USP24: variants seen among roughly 807,000 people sequenced by gnomAD.
The protein encoded by USP24 is ubiquitin carboxyl-terminal hydrolase 24.
USP24 carries 97 observed loss-of-function variants against 361.6 expected under a neutral mutation model. That is an observed-to-expected ratio of 0.27 (90% CI 0.23 to 0.32). The LOEUF is 0.32. Ranked by LOEUF, USP24 falls within the 10% of genes least tolerant of loss-of-function variation. The pLI is 1.00. For missense variants in USP24, 2,353 were observed against 3,165.6 expected (o/e 0.74, Z 6.16); for synonymous variants, 1,098 against 1,124.6 (o/e 0.98, Z 0.47).
In USP24 at chr1:55,168,044, G is replaced by C. The variant is rs552601175; in HGVS notation, c.826-1441C>G. 3.7e-4 allele frequency among the ~76,000 whole-genome samples: 56 copies of C among 152,244 alleles called. 1 individual carries two copies. The South Asian group carries it at 9.7e-3, about 26-fold the overall frequency. On this transcript the variant is annotated intron_variant, in intron 5 of 67. Coordinates refer to ENST00000294383, the MANE Select transcript of USP24 (RefSeq NM_015306.3). ...CATTAGAGAAAGTGTAGTGAATAAAGAAAGGAAGCGCTGAAGATCAAAACT... is the reference window on the plus strand; with the variant it reads ...CATTAGAGAAAGTGTAGTGAATAAACAAAGGAAGCGCTGAAGATCAAAACT...
rs1022970858 is a variant in USP24 at position 55,151,883 on chromosome 1, G to T, written c.1860+1987C>A. 4 of 984,882 alleles carry T rather than the reference G, an allele frequency of 4.1e-6. No homozygotes were observed. In the African/African-American group the frequency reaches 5.2e-5, roughly 13 times the overall value. 61.0% of individuals were successfully genotyped at this position (984,882 alleles called of 1,614,324 possible). A position where few individuals can be genotyped will look rare whatever the true frequency, so the allele number is the denominator to read the frequency against. On this transcript the variant is annotated intron_variant, in intron 16 of 67. Transcript: ENST00000294383. Reference sequence around the variant, plus strand: ...AATAGAGGTAGCTGAGGGTGGGAGGGGAGTAAGAAGTGGGTGATCTTGTCT... The same window carrying T: ...AATAGAGGTAGCTGAGGGTGGGAGGTGAGTAAGAAGTGGGTGATCTTGTCT...
intron 24 of USP24, among the ~76,000 whole-genome samples, chr1:55,140,710 C>G (rs1388471781): frequency 6.6e-6 from 1 of 152,148 alleles, no homozygotes; most frequent in Non-Finnish European, 1.5e-5. Context: ...TATGAGTACC[C>G]ATCACTAGAG....
chr1:55,105,149 C>T (rs1181356181), intron 41 of USP24, among the ~76,000 whole-genome samples: 2 of 152,094 alleles, frequency 1.3e-5, no homozygotes, highest in Non-Finnish European at 2.9e-5. Context: ...AATAAAACTG[C>T]TAAAGATATA....
At chr1:55,167,018 A>C (rs1055496853) in intron 5 of USP24, among the ~76,000 whole-genome samples, 1 of 152,220 alleles carries the variant, frequency 6.6e-6, no homozygotes, top group Non-Finnish European at 1.5e-5. Context: ...CTCTTAAGCA[A>C]GCTCTATTTT....
intron 41 of USP24, among the ~76,000 whole-genome samples, chr1:55,104,375 C>A (rs151108881): frequency 6.6e-6 from 1 of 151,986 alleles, no homozygotes; most frequent in Non-Finnish European, 1.5e-5. Context: ...AAGATTTTAT[C>A]GCTGTCATCC....
chr1:55,174,732 A>T (rs1413418527), intron 3 of USP24, among the ~76,000 whole-genome samples: 1 of 152,240 alleles, frequency 6.6e-6, no homozygotes, highest in Non-Finnish European at 1.5e-5. Flanking sequence ...TTTTAAGTTT[A>T]TGCATCCACT....
At position 55,156,934 on chromosome 1, in the gene USP24, T is replaced by A; in HGVS notation, c.1446+14A>T. 1 of 1,597,090 alleles carries A rather than the reference T, an allele frequency of 6.3e-7. No individual in the cohort carries two copies. The highest frequency in any genetic ancestry group is 8.6e-7 in the Non-Finnish European group (1 of 1,165,626). On this transcript the variant is annotated intron_variant, in intron 12 of 67. Transcript: ENST00000294383. ...AACATTAGCCAAAGGCAAAAATAAT[T>A]CTGATCAACCTACCTGTATCTTCCA...
intron 31 of USP24, among the ~76,000 whole-genome samples, chr1:55,132,028 G>A (rs1449375071): frequency 6.6e-6 from 1 of 152,226 alleles, no homozygotes. Flanking sequence ...AGATCTTGGA[G>A]TGAGTAACTT....
chr1:55,078,557 G>A lies in USP24; in HGVS notation c.7295C>T (p.Thr2432Ile). 1 of 1,611,422 alleles carries A rather than the reference G, an allele frequency of 6.2e-7. No individual in the cohort carries two copies. The highest frequency in any genetic ancestry group is 8.5e-7 in the Non-Finnish European group (1 of 1,179,014). Reference protein sequence around the residue: ...CCFCNEHFSFTMLHFIKNQLE... With the variant: ...CCFCNEHFSFIMLHFIKNQLE... ...TCTTACCTTAATGAAATGCAGCATT[G>A]TGAAGGAAAAATGCTCATTACAGAA... is the stretch of plus-strand genomic sequence containing the variant. Residue 2432 changes from threonine (T) to isoleucine (I), a missense_variant, in exon 61 of 68, where the codon ACA becomes ATA. This residue lies in a region of USP24 where 598 missense variants were observed against 761.9 expected (regional missense o/e 0.78). Transcript: ENST00000294383.
At chr1:55,124,706 C>T in intron 34 of USP24, 78 bp from the exon 35 acceptor site, 1 of 1,521,358 alleles carries the variant, frequency 6.6e-7, no homozygotes, top group East Asian at 2.3e-5. Flanking sequence ...TCTTACAGGT[C>T]TCAGTTTCAT....
chr1:55,213,779 C>T (rs765178291), intron 1 of USP24, among the ~76,000 whole-genome samples: 9 of 152,088 alleles, frequency 5.9e-5, no homozygotes, highest in African/African-American at 9.7e-5. Context: ...GTTTTCTTCC[C>T]CCACGTTCCT....
chr1:55,130,421 A>G (rs1013429734), intron 31 of USP24, among the ~76,000 whole-genome samples: 14 of 152,236 alleles, frequency 9.2e-5, no homozygotes, highest in Admixed American at 7.9e-4. Flanking sequence ...AGTACTCAGT[A>G]AACAACTGCT....
intron 3 of USP24, among the ~76,000 whole-genome samples, chr1:55,173,395 T>C (rs1386516456): frequency 2.0e-5 from 3 of 152,188 alleles, no homozygotes; most frequent in Admixed American, 6.5e-5. Context: ...GATACTTTCT[T>C]AGATTCCTTA....
At chr1:55,167,453 G>C (rs1649000526) in intron 5 of USP24, among the ~76,000 whole-genome samples, 1 of 152,138 alleles carries the variant, frequency 6.6e-6, no homozygotes, top group Non-Finnish European at 1.5e-5. Context: ...GTTGTACAGA[G>C]AGGCAAAGAA....
chr1:55,209,315 T>G (rs1355242899), intron 1 of USP24, among the ~76,000 whole-genome samples: 1 of 152,188 alleles, frequency 6.6e-6, no homozygotes, highest in Non-Finnish European at 1.5e-5. Context: ...TAAACATTCC[T>G]GACCCTTCTT....
chr1:55,071,550 C>T (rs1288834541), intron 67 of USP24: 6 of 1,267,754 alleles, frequency 4.7e-6, no homozygotes, highest in Middle Eastern at 3.2e-4. Flanking sequence ...CTGGCTTCAT[C>T]GGGACTACCT....
chr1:55,164,880 A>G (rs181814310), intron 7 of USP24, among the ~76,000 whole-genome samples: 307 of 151,922 alleles, frequency 2.0e-3, no homozygotes, highest in African/African-American at 6.8e-3. Flanking sequence ...TTATCTTCCA[A>G]CTCAATGAAG....
intron 39 of USP24, among the ~76,000 whole-genome samples, chr1:55,107,855 A>AAC (rs1553150238): frequency 2.0e-5 from 3 of 149,584 alleles, no homozygotes; most frequent in Non-Finnish European, 3.0e-5. Context: ...AAAAAAAAAA[A>AAC]AAAAAAAAAA....
intron 67 of USP24, chr1:55,071,172 A>G: frequency 1.0e-6 from 1 of 985,928 alleles, no homozygotes; most frequent in Non-Finnish European, 1.2e-6. Context: ...AATGGGGCCT[A>G]TTCTGTACCA....
Sources: allele counts gnomAD v4.1 joint callset (sites outside exome capture counted in the v4.1 genomes callset), GRCh38; gene constraint gnomAD v4.1.1; regional missense constraint gnomAD v4.1.1; transcripts MANE v1.5; gene names NCBI Gene and HGNC (gene_info 2026-07-23, HGNC 2026-07-21).